Variants in LUC7L observed in about 807,000 individuals in gnomAD.
LUC7L encodes LUC7 like, also known as putative RNA-binding protein Luc7-like 1.
Under a neutral mutation model 51.1 loss-of-function variants are expected in LUC7L, and 29 were observed. That is an observed-to-expected ratio of 0.57 (90% CI 0.42 to 0.77). The LOEUF (loss-of-function observed/expected upper bound fraction) is 0.77. Among genes scored for constraint, LUC7L ranks in the 30% least tolerant of loss-of-function variants. LUC7L has a pLI of 0.00. For missense variants in LUC7L, 403 were observed against 511.9 expected (o/e 0.79, Z 2.05); for synonymous variants, 181 against 180.7 (o/e 1.00, Z -0.01).
At chr16:208,970 C>G (rs1015285092) in intron 3 of LUC7L, 1 of 150,198 alleles carries the variant, frequency 6.7e-6, no homozygotes, top group East Asian at 2.0e-4. Context: ...CCAAGGTGGG[C>G]GGATCATGAG....
rs77896562 is a variant in LUC7L at position 228,982 on chromosome 16, G to A, written c.61+297C>T. 4.2e-6 allele frequency: 6 copies of A among 1,436,236 alleles called. No individual in the cohort carries two copies. The African/African-American group carries it at 4.3e-5, about 10-fold the overall frequency. 89.0% of individuals were successfully genotyped at this position (1,436,236 alleles called of 1,614,324 possible). On this transcript the variant is annotated intron_variant, in intron 1 of 9. Transcript: ENST00000293872. ...TCCGCCGACTCCACAGTTCGCGGAG[G>A]GGCACGGAGCCGCGGCGCCCGCCGG... is the stretch of plus-strand genomic sequence containing the variant.
At chr16:191,882 C>T (rs553223907) in intron 7 of LUC7L, among the ~76,000 whole-genome samples, 157 of 152,286 alleles carry the variant, frequency 1.0e-3, no homozygotes, top group Admixed American at 3.1e-3. Context: ...GAGTTATGCA[C>T]TGAGGAATTA....
intron 3 of LUC7L, among the ~76,000 whole-genome samples, chr16:212,781 C>A (rs995726277): frequency 2.0e-5 from 3 of 151,896 alleles, no homozygotes; most frequent in African/African-American, 7.3e-5. Flanking sequence ...AAGAAATATA[C>A]CTTTTTTTTT....
In LUC7L at chr16:226,285, A is replaced by G. The variant is rs572415906; in HGVS notation, c.156+957T>C. Among the ~76,000 whole-genome samples, 22 of 152,294 alleles carry G rather than the reference A, an allele frequency of 1.4e-4. No individual in the cohort carries two copies. The South Asian group carries it at 4.4e-3, about 30-fold the overall frequency. ...AGAAAACTTCCTTTAACATATGCAC[A>G]TTTCATCCTTAAAATGAGAGGATAG... On this transcript the variant is annotated intron_variant, in intron 2 of 9. Coordinates refer to ENST00000293872, the MANE Select transcript of LUC7L (RefSeq NM_201412.3).
intron 2 of LUC7L, among the ~76,000 whole-genome samples, chr16:226,978 G>A (rs1673591511): frequency 6.6e-6 from 1 of 152,202 alleles, no homozygotes; most frequent in South Asian, 2.1e-4. Context: ...AGAGGCTGAG[G>A]TGGTAGGATT....
At chr16:189,668 G>C in intron 9 of LUC7L, 1 of 1,330,110 alleles carries the variant, frequency 7.5e-7, no homozygotes. Context: ...CCAAAACAGA[G>C]GTAAGCAGGG....
chr16:189,596 A>G, intron 9 of LUC7L: 2 of 1,356,216 alleles, frequency 1.5e-6, no homozygotes, highest in Non-Finnish European at 1.9e-6. Context: ...ATACAACACT[A>G]TATGCACAGA....
At chr16:221,330 C>T (rs1425865730) in intron 2 of LUC7L, among the ~76,000 whole-genome samples, 1 of 151,560 alleles carries the variant, frequency 6.6e-6, no homozygotes, top group Non-Finnish European at 1.5e-5. Flanking sequence ...CAGGTGTGAG[C>T]CACGGTGCCT....
chr16:228,756 G>T (rs946627313), intron 1 of LUC7L: 10 of 1,270,554 alleles, frequency 7.9e-6, no homozygotes, highest in Admixed American at 2.4e-5. Context: ...TGGGGGGAAG[G>T]GGGCAGCTGG....
In LUC7L at chr16:189,021, A is replaced by G; in HGVS notation, c.*177T>C. On this transcript the variant is annotated 3_prime_UTR_variant, in exon 10 of 10. Transcript: ENST00000293872. Reference sequence around the variant, plus strand: ...GGCAGCATCAGATTTATTTATTCCTACTCAACATGACCCGGGAACACAGGA... The same window carrying G: ...GGCAGCATCAGATTTATTTATTCCTGCTCAACATGACCCGGGAACACAGGA... 1 of 655,168 alleles carries G rather than the reference A, an allele frequency of 1.5e-6. No individual in the cohort carries two copies. 40.6% of individuals were successfully genotyped at this position (655,168 alleles called of 1,614,324 possible).
At position 226,070 on chromosome 16, in the gene LUC7L, C is replaced by T. The variant is rs146267380; in HGVS notation, c.156+1172G>A. The stretch of plus-strand genomic sequence containing the variant: ...TCTGTATTGACCTCGGTACACACAA[C>T]AATCTGCATCAAACAGTAACGTTTT... On this transcript the variant is annotated intron_variant, in intron 2 of 9. Transcript: ENST00000293872. 1.1e-3 allele frequency among the ~76,000 whole-genome samples: 165 copies of T among 152,282 alleles called. 3 individuals carry two copies. In the East Asian group the frequency reaches 0.03, roughly 28 times the overall value.
chr16:217,437 T>C (rs928471405), intron 3 of LUC7L, among the ~76,000 whole-genome samples: 1 of 152,136 alleles, frequency 6.6e-6, no homozygotes, highest in Admixed American at 6.6e-5. Context: ...CTGGGCGCAG[T>C]GGCTCACGCC....
At chr16:190,191 G>T (rs2048976433) in intron 8 of LUC7L, 56 bp from the exon 9 acceptor site, 2 of 1,460,742 alleles carry the variant, frequency 1.4e-6, no homozygotes, top group Admixed American at 1.9e-5. Flanking sequence ...CACTATGAGG[G>T]CCCCACCCCT....
In LUC7L at chr16:189,113, G is replaced by C. The variant is rs552293639; in HGVS notation, c.*85C>G. On this transcript the variant is annotated 3_prime_UTR_variant, in exon 10 of 10. Transcript: ENST00000293872. ...ACAATAGAAATTTTAAACTACAAAA[G>C]ATGAGTTGTATTCAGCAAATATAAA... 19 of 1,386,020 alleles carry C rather than the reference G, an allele frequency of 1.4e-5. No individual in the cohort carries two copies. The South Asian group carries it at 2.3e-4, about 17-fold the overall frequency. 85.9% of individuals were successfully genotyped at this position (1,386,020 alleles called of 1,614,324 possible). A position where few individuals can be genotyped will look rare whatever the true frequency, so the allele number is the denominator to read the frequency against.
intron 5 of LUC7L, among the ~76,000 whole-genome samples, chr16:203,482 A>AG (rs1487632635): frequency 1.3e-5 from 2 of 151,950 alleles, no homozygotes; most frequent in Non-Finnish European, 2.9e-5. Flanking sequence ...AGAGCTAGGC[A>AG]GATCGCTTGA....
Position 220,754 on chromosome 16 carries a change from G to C in LUC7L, c.157-7C>G. 1 of 1,604,086 alleles carries C rather than the reference G, an allele frequency of 6.2e-7. No individual in the cohort carries two copies. Among genetic ancestry groups the C allele is most frequent in the South Asian group, 1.1e-5 (1 of 90,412 alleles). ...ATTCTCCTAAATCCATGCGCTGTGG[G>C]AAAGAAACAGAAAATGCAGACCTCA... is the stretch of plus-strand genomic sequence containing the variant. On this transcript the variant is annotated splice_polypyrimidine_tract_variant and splice_region_variant and intron_variant, in intron 2 of 9. Transcript: ENST00000293872.
At chr16:210,046 G>C (rs2049596025) in intron 3 of LUC7L, among the ~76,000 whole-genome samples, 1 of 152,138 alleles carries the variant, frequency 6.6e-6, no homozygotes, top group South Asian at 2.1e-4. Flanking sequence ...CCAGCACTTT[G>C]GGAGGCCAAG....
At chr16:203,595 C>G (rs956465988) in intron 5 of LUC7L, among the ~76,000 whole-genome samples, 1 of 151,966 alleles carries the variant, frequency 6.6e-6, no homozygotes, top group African/African-American at 2.4e-5. Context: ...TCAGTCCTAG[C>G]TATTTGAAAG....
intron 3 of LUC7L, among the ~76,000 whole-genome samples, chr16:216,419 G>A (rs1452551864): frequency 1.4e-5 from 2 of 141,820 alleles, no homozygotes; most frequent in Non-Finnish European, 3.0e-5. Context: ...GTCTCGCTCG[G>A]TTGTCCAGGC....
Sources: gnomAD v4.1 joint callset for allele counts (sites outside exome capture counted in the v4.1 genomes callset) on GRCh38, gnomAD v4.1.1 for gene constraint, MANE v1.5 for transcripts, NCBI Gene and HGNC (gene_info 2026-07-23, HGNC 2026-07-21) for gene names.